RNF169: variants seen among roughly 807,000 people sequenced by gnomAD.
The protein encoded by RNF169 is ring finger protein 169.
RNF169 carries 24 observed loss-of-function variants against 53.9 expected under a neutral mutation model. That is an observed-to-expected ratio of 0.45 (90% CI 0.32 to 0.63). The LOEUF is 0.63. Among genes scored for constraint, RNF169 ranks in the 20% least tolerant of loss-of-function variants. The pLI is 0.04. For missense variants in RNF169, 883 were observed against 906.2 expected, an observed-to-expected ratio of 0.97 and a Z score of 0.33; for synonymous variants, 396 against 363.5, an observed-to-expected ratio of 1.09 and a Z score of -1.02.
chr11:74,837,281 TATTTG>T lies in RNF169; in HGVS notation c.*552_*556del, dbSNP rs2036271708. 1 of 153,098 alleles carries T rather than the reference TATTTG, an allele frequency of 6.5e-6. No individual in the cohort carries two copies. The highest frequency in any genetic ancestry group is 2.1e-4 in the South Asian group (1 of 4,864). The allele number at this position is 153,098 out of a possible 1,614,324, so 9.5% of individuals were successfully genotyped here. A position where few individuals can be genotyped will look rare whatever the true frequency, so the allele number is the denominator to read the frequency against. ...TTTACATTCTCTGTTTAAAAAATAATATTTGGTGAATGCTATATAGTTGACAGAGC... is the reference window on the plus strand; with the variant it reads ...TTTACATTCTCTGTTTAAAAAATAATGTGAATGCTATATAGTTGACAGAGC... On this transcript the variant is annotated 3_prime_UTR_variant, in exon 6 of 6. Coordinates refer to ENST00000299563, the MANE Select transcript of RNF169 (RefSeq NM_001098638.2).
chr11:74,749,430 G>A, intron 1 of RNF169, 48 bp downstream of exon 1: 1 of 1,218,336 alleles, frequency 8.2e-7, no homozygotes, highest in Non-Finnish European at 1.0e-6. Flanking sequence ...GGCCGAGCGC[G>A]CCCCGGCCCG....
chr11:74,762,790 T>C (rs765975771), intron 1 of RNF169, among the ~76,000 whole-genome samples: 7 of 152,174 alleles, frequency 4.6e-5, no homozygotes, highest in Non-Finnish European at 4.4e-5. Context: ...ACAGGAAAGA[T>C]AGGAAAATCT....
intron 2 of RNF169, among the ~76,000 whole-genome samples, chr11:74,805,544 T>TA (rs2035791065): frequency 6.6e-6 from 1 of 152,134 alleles, no homozygotes; most frequent in African/African-American, 2.4e-5. Context: ...ATTCTTAATA[T>TA]AAAAAATGAA....
rs537469807 is a variant in RNF169 at position 74,808,271 on chromosome 11, T to C, written c.577-1913T>C. ...AAAACACTAGAAAAGCCAGAGAACA[T>C]AGTATGTTAACAACATTAAGCACCA... is the stretch of plus-strand genomic sequence containing the variant. On this transcript the variant is annotated intron_variant, in intron 2 of 5. Transcript: ENST00000299563. The C allele has an allele frequency of 2.6e-5, 4 of 152,270 alleles. No individual in the cohort carries two copies. In the East Asian group the frequency reaches 7.7e-4, roughly 29 times the overall value. 9.4% of individuals were successfully genotyped at this position (152,270 alleles called of 1,614,324 possible). A position where few individuals can be genotyped will look rare whatever the true frequency, so the allele number is the denominator to read the frequency against.
At chr11:74,797,884 C>T (rs1296559763) in intron 2 of RNF169, among the ~76,000 whole-genome samples, 1 of 152,198 alleles carries the variant, frequency 6.6e-6, no homozygotes, top group Non-Finnish European at 1.5e-5. Flanking sequence ...ATTTTACGGA[C>T]ATTTATTAGT....
intron 1 of RNF169, among the ~76,000 whole-genome samples, chr11:74,785,620 G>A (rs893596878): frequency 1.3e-5 from 2 of 151,832 alleles, no homozygotes; most frequent in Admixed American, 1.3e-4. Flanking sequence ...GAGCTTTTGG[G>A]CACGGTGTCA....
intron 4 of RNF169, among the ~76,000 whole-genome samples, chr11:74,826,061 C>G (rs1259734209): frequency 6.6e-6 from 1 of 152,124 alleles, no homozygotes; most frequent in East Asian, 1.9e-4. Flanking sequence ...AGCAATGGCT[C>G]ACATCTGTAA....
intron 2 of RNF169, among the ~76,000 whole-genome samples, chr11:74,808,652 C>CA (rs1308735750): frequency 6.6e-6 from 1 of 152,222 alleles, no homozygotes; most frequent in Non-Finnish European, 1.5e-5. Flanking sequence ...AAGCACCTGA[C>CA]ACGTAGAGTT....
chr11:74,834,922 G>A (rs1274416671), intron 5 of RNF169, 147 bp downstream of exon 5: 1 of 556,602 alleles, frequency 1.8e-6, no homozygotes, highest in South Asian at 2.8e-5. Context: ...ACAAACAGAT[G>A]TGAAGGAAGA....
chr11:74,805,806 C>T (rs1487660659), intron 2 of RNF169, among the ~76,000 whole-genome samples: 6 of 151,428 alleles, frequency 4.0e-5, no homozygotes, highest in East Asian at 3.9e-4. Flanking sequence ...TTCAACCCTA[C>T]GGATTGAAAA....
Position 74,840,847 on chromosome 11 carries a change from G to A in RNF169, c.*4117G>A, listed in dbSNP as rs554885042. ...GTGATCCAGTGCCCTATTTTATAGT[G>A]TGGTTTTCCAGGGTCTGAATAAATA... On this transcript the variant is annotated 3_prime_UTR_variant, in exon 6 of 6. Coordinates refer to ENST00000299563, the MANE Select transcript of RNF169 (RefSeq NM_001098638.2). The A allele has an allele frequency of 1.5e-5, 2 of 132,092 alleles. No individual in the cohort carries two copies. Among genetic ancestry groups the A allele is most frequent in the East Asian group, 4.6e-4 (2 of 4,354 alleles). The allele number at this position is 132,092 out of a possible 1,614,324, so 8.2% of individuals were successfully genotyped here.
At chr11:74,777,703 A>G (rs1171268963) in intron 1 of RNF169, among the ~76,000 whole-genome samples, 1 of 151,670 alleles carries the variant, frequency 6.6e-6, no homozygotes, top group Non-Finnish European at 1.5e-5. Flanking sequence ...GTTGGAGTGC[A>G]GTGGCACAAT....
At chr11:74,791,234 AGG>A (rs1203599817) in intron 2 of RNF169, among the ~76,000 whole-genome samples, 1 of 152,142 alleles carries the variant, frequency 6.6e-6, no homozygotes, top group Non-Finnish European at 1.5e-5. Context: ...GGCTGAGTCC[AGG>A]GCTTTTATGG....
At chr11:74,773,926 A>C (rs1225947481) in intron 1 of RNF169, among the ~76,000 whole-genome samples, 1 of 152,266 alleles carries the variant, frequency 6.6e-6, no homozygotes, top group African/African-American at 2.4e-5. Context: ...AGCTGTTATT[A>C]TATGCAGTCA....
chr11:74,796,415 T>C (rs1004196455), intron 2 of RNF169, among the ~76,000 whole-genome samples: 1 of 152,246 alleles, frequency 6.6e-6, no homozygotes, highest in Non-Finnish European at 1.5e-5. Context: ...TACTTCAGTA[T>C]TGATATCTTT....
chr11:74,801,478 T>C (rs1402902421), intron 2 of RNF169, among the ~76,000 whole-genome samples: 1 of 152,248 alleles, frequency 6.6e-6, no homozygotes. Context: ...ACCAGTTTGA[T>C]TAACTAGTTT....
intron 4 of RNF169, among the ~76,000 whole-genome samples, chr11:74,822,511 A>G (rs538047997): frequency 1.5e-3 from 235 of 152,276 alleles, no homozygotes; most frequent in Non-Finnish European, 3.0e-3. Context: ...GTTCAGATAG[A>G]CAGAGCTTTC....
At chr11:74,770,821 T>C (rs2035249192) in intron 1 of RNF169, among the ~76,000 whole-genome samples, 1 of 152,214 alleles carries the variant, frequency 6.6e-6, no homozygotes, top group African/African-American at 2.4e-5. Context: ...TTTTGTTTTT[T>C]TTGAGATGGA....
intron 1 of RNF169, among the ~76,000 whole-genome samples, chr11:74,770,070 G>A (rs967802252): frequency 1.3e-5 from 2 of 152,218 alleles, no homozygotes; most frequent in Non-Finnish European, 2.9e-5. Flanking sequence ...GGGATTACAG[G>A]TGTGAGCCAC....
Sources: gnomAD v4.1 joint callset for allele counts (sites outside exome capture counted in the v4.1 genomes callset) on GRCh38, gnomAD v4.1.1 for gene constraint, MANE v1.5 for transcripts, NCBI Gene and HGNC (gene_info 2026-07-23, HGNC 2026-07-21) for gene names.